Variants in OPCML observed in about 807,000 individuals in gnomAD.
The protein encoded by OPCML is opioid-binding protein/cell adhesion molecule.
OPCML carries 13 observed loss-of-function variants against 37.8 expected under a neutral mutation model. That is an observed-to-expected ratio of 0.34 (90% CI 0.22 to 0.55). OPCML has a LOEUF of 0.55. Among genes scored for constraint, OPCML ranks in the 20% least tolerant of loss-of-function variants. OPCML has a pLI of 0.91. For synonymous variants in OPCML, 176 were observed against 168.8 expected, an observed-to-expected ratio of 1.04 and a Z score of -0.33; for missense variants, 341 against 435.6, an observed-to-expected ratio of 0.78 and a Z score of 1.93.
intron 1 of OPCML, among the ~76,000 whole-genome samples, chr11:133,278,067 G>A (rs931428396): frequency 7.2e-5 from 11 of 152,140 alleles, no homozygotes; most frequent in African/African-American, 2.4e-4. Flanking sequence ...CTGAAAGTGA[G>A]CCGGGGACAC....
At chr11:133,279,905 T>G (rs1210771316) in intron 1 of OPCML, among the ~76,000 whole-genome samples, 1 of 152,202 alleles carries the variant, frequency 6.6e-6, no homozygotes, top group Non-Finnish European at 1.5e-5. Context: ...TAATTGGTTA[T>G]TTGTGAGGAA....
chr11:133,478,334 T>C (rs952037523), intron 1 of OPCML, among the ~76,000 whole-genome samples: 1 of 152,112 alleles, frequency 6.6e-6, no homozygotes, highest in African/African-American at 2.4e-5. Context: ...ACAGAGAAGT[T>C]CCCCAGTCCA....
chr11:133,258,358 G>A (rs1374390974), intron 1 of OPCML, among the ~76,000 whole-genome samples: 2 of 152,172 alleles, frequency 1.3e-5, no homozygotes, highest in African/African-American at 4.8e-5. Flanking sequence ...TACAAGCTGA[G>A]TTTTATGGAC....
At chr11:132,904,963 C>T (rs1944185325) in intron 2 of OPCML, among the ~76,000 whole-genome samples, 1 of 152,176 alleles carries the variant, frequency 6.6e-6, no homozygotes, top group African/African-American at 2.4e-5. Flanking sequence ...GTTGCAGTTG[C>T]ATTCAGAACC....
intron 1 of OPCML, among the ~76,000 whole-genome samples, chr11:133,373,710 C>CA (rs997534207): frequency 6.0e-5 from 9 of 151,024 alleles, no homozygotes; most frequent in Non-Finnish European, 8.9e-5. Context: ...AACATCTTAC[C>CA]AAAAAAATAA....
At chr11:132,431,773 G>T (rs146260510) in intron 7 of OPCML, among the ~76,000 whole-genome samples, 2 of 152,190 alleles carry the variant, frequency 1.3e-5, no homozygotes, top group Non-Finnish European at 1.5e-5. Flanking sequence ...AGAGAGGCAC[G>T]CTGTGAAGGG....
At chr11:132,912,226 A>T (rs909154699) in intron 2 of OPCML, among the ~76,000 whole-genome samples, 2 of 152,204 alleles carry the variant, frequency 1.3e-5, no homozygotes, top group Admixed American at 6.5e-5. Flanking sequence ...TTTTGACCTT[A>T]TCTTTCATAA....
At chr11:133,183,587 G>A (rs1382733819) in intron 1 of OPCML, among the ~76,000 whole-genome samples, 2 of 152,036 alleles carry the variant, frequency 1.3e-5, no homozygotes, top group African/African-American at 4.8e-5. Context: ...ATTTATTAAG[G>A]ATCTACTATA....
intron 2 of OPCML, among the ~76,000 whole-genome samples, chr11:132,929,652 T>C (rs1945129533): frequency 6.6e-6 from 1 of 152,176 alleles, no homozygotes; most frequent in African/African-American, 2.4e-5. Flanking sequence ...TAAATATTAA[T>C]GCAAAAATCT....
At chr11:132,947,121 C>T (rs1025172279) in intron 1 of OPCML, among the ~76,000 whole-genome samples, 1 of 152,064 alleles carries the variant, frequency 6.6e-6, no homozygotes, top group South Asian at 2.1e-4. Flanking sequence ...GGTTCTATTG[C>T]TTCTCAAGAG....
intron 4 of OPCML, among the ~76,000 whole-genome samples, chr11:132,471,652 G>T (rs2509233): frequency 0.1 from 15,822 of 152,196 alleles, 1,139 homozygotes; most frequent in East Asian, 0.35. Flanking sequence ...AAGCTGCAAC[G>T]CTGTAAATGA....
intron 3 of OPCML, among the ~76,000 whole-genome samples, chr11:132,554,703 A>G (rs1736328420): frequency 6.6e-6 from 1 of 151,998 alleles, no homozygotes; most frequent in Non-Finnish European, 1.5e-5. Flanking sequence ...AGGCTTTCCA[A>G]TGTTCTGAGC....
chr11:132,676,271 T>A (rs960320622), intron 2 of OPCML, among the ~76,000 whole-genome samples: 6 of 152,146 alleles, frequency 3.9e-5, no homozygotes, highest in African/African-American at 1.4e-4. Context: ...CTCTGTTTCA[T>A]ATCACATACA....
intron 1 of OPCML, among the ~76,000 whole-genome samples, chr11:133,168,245 C>T (rs1183293465): frequency 6.6e-6 from 1 of 152,212 alleles, no homozygotes; most frequent in African/African-American, 2.4e-5. Flanking sequence ...GGAGATACTC[C>T]AGGGATGTGC....
chr11:133,402,772 T>C (rs1945434803), intron 1 of OPCML, among the ~76,000 whole-genome samples: 1 of 152,158 alleles, frequency 6.6e-6, no homozygotes, highest in Non-Finnish European at 1.5e-5. Flanking sequence ...CTGACTAGAC[T>C]GACCGTATGG....
At chr11:133,056,254 T>G (rs1410093608) in intron 1 of OPCML, among the ~76,000 whole-genome samples, 2 of 152,218 alleles carry the variant, frequency 1.3e-5, no homozygotes, top group African/African-American at 4.8e-5. Flanking sequence ...TAAAATTGAT[T>G]GTAATTTCAT....
chr11:133,164,684 G>A (rs1351586333), intron 1 of OPCML, among the ~76,000 whole-genome samples: 2 of 152,224 alleles, frequency 1.3e-5, no homozygotes, highest in Non-Finnish European at 2.9e-5. Context: ...GTTATCTCCT[G>A]TTCAATTTAT....
chr11:132,658,661 G>T (rs1052947132), intron 2 of OPCML, among the ~76,000 whole-genome samples: 1 of 152,130 alleles, frequency 6.6e-6, no homozygotes, highest in African/African-American at 2.4e-5. Flanking sequence ...GGGTAGGGAG[G>T]GTGTTAGGCA....
chr11:133,201,896 C>G (rs1308018794), intron 1 of OPCML, among the ~76,000 whole-genome samples: 1 of 152,144 alleles, frequency 6.6e-6, no homozygotes, highest in African/African-American at 2.4e-5. Flanking sequence ...TTCATGCCAT[C>G]CATTCATTCA....
Sources: gnomAD v4.1 joint callset for allele counts (sites outside exome capture counted in the v4.1 genomes callset) on GRCh38, gnomAD v4.1.1 for gene constraint, MANE v1.5 for transcripts, NCBI Gene and HGNC (gene_info 2026-07-23, HGNC 2026-07-21) for gene names.